Variants in ZNF804B observed in about 807,000 individuals in gnomAD.
ZNF804B encodes the protein zinc finger 804B.
In ZNF804B, 80 loss-of-function variants were observed where a neutral mutation model predicts 101.4. That is an observed-to-expected ratio of 0.79 (90% CI 0.66 to 0.95). The LOEUF (loss-of-function observed/expected upper bound fraction) is 0.95, where lower values mean the gene tolerates loss of function less well. Among genes scored for constraint, ZNF804B ranks in the 40% least tolerant of loss-of-function variants. The pLI is 0.00. For missense variants in ZNF804B, 1,673 were observed against 1,561.9 expected (o/e 1.07, Z -1.20); for synonymous variants, 622 against 558.8 (o/e 1.11, Z -1.59).
At chr7:89,149,172 A>C (rs986602649) in intron 1 of ZNF804B, among the ~76,000 whole-genome samples, 3 of 151,984 alleles carry the variant, frequency 2.0e-5, no homozygotes, top group Non-Finnish European at 4.4e-5. Context: ...GTCCATTGTA[A>C]ATTTGTAGTG....
intron 1 of ZNF804B, among the ~76,000 whole-genome samples, chr7:88,903,304 G>A (rs973779133): frequency 4.6e-5 from 7 of 152,076 alleles, no homozygotes; most frequent in African/African-American, 1.7e-4. Flanking sequence ...TGGCTGTATA[G>A]TATTCTTCCA....
At chr7:89,307,898 A>G (rs1790589186) in intron 2 of ZNF804B, among the ~76,000 whole-genome samples, 2 of 152,086 alleles carry the variant, frequency 1.3e-5, no homozygotes, top group Admixed American at 6.6e-5. Flanking sequence ...AGCCTTGCCT[A>G]ATAACCTTTT....
rs151187887 is a variant in ZNF804B at position 89,102,153 on chromosome 7, G to A, written c.109-116002G>A. The stretch of plus-strand genomic sequence containing the variant: ...TGATAAACATGTGAATGCAGGTGTC[G>A]GTTTTACATGATTTCCTTTCCTTTG... On this transcript the variant is annotated intron_variant, in intron 1 of 3. Transcript: ENST00000333190. Among the ~76,000 whole-genome samples the A allele has an allele frequency of 2.2e-3, 335 of 151,896 alleles. 4 individuals are homozygous for A. Among genetic ancestry groups the A allele is most frequent in the African/African-American group, 7.7e-3 (319 of 41,462 alleles).
chr7:88,811,274 A>C (rs1790781608), intron 1 of ZNF804B, among the ~76,000 whole-genome samples: 1 of 152,198 alleles, frequency 6.6e-6, no homozygotes, highest in South Asian at 2.1e-4. Flanking sequence ...AACATCACTG[A>C]TCTTTAGAGA....
chr7:89,087,510 A>G (rs1341842659), intron 1 of ZNF804B, among the ~76,000 whole-genome samples: 1 of 152,020 alleles, frequency 6.6e-6, no homozygotes, highest in African/African-American at 2.4e-5. Context: ...AGTAAATATT[A>G]CAGTTATTTA....
At chr7:89,199,893 T>G (rs939139701) in intron 1 of ZNF804B, among the ~76,000 whole-genome samples, 4 of 148,388 alleles carry the variant, frequency 2.7e-5, no homozygotes, top group Non-Finnish European at 5.9e-5. Flanking sequence ...ATATAATATA[T>G]GTATAATATA....
At chr7:88,956,767 A>G (rs1433009729) in intron 1 of ZNF804B, among the ~76,000 whole-genome samples, 2 of 151,432 alleles carry the variant, frequency 1.3e-5, no homozygotes, top group African/African-American at 2.4e-5. Flanking sequence ...ATGTTATCTC[A>G]TACTGTGAAA....
At chr7:88,788,177 C>G (rs1201273564) in intron 1 of ZNF804B, among the ~76,000 whole-genome samples, 1 of 152,000 alleles carries the variant, frequency 6.6e-6, no homozygotes, top group Non-Finnish European at 1.5e-5. Flanking sequence ...TGAGAAGGCC[C>G]TGCATGAGGA....
chr7:89,221,296 T>C (rs545088772), intron 2 of ZNF804B, among the ~76,000 whole-genome samples: 50 of 152,116 alleles, frequency 3.3e-4, no homozygotes, highest in Non-Finnish European at 6.3e-4. Context: ...CCACCGCCTG[T>C]GGGATTTTAT....
intron 2 of ZNF804B, among the ~76,000 whole-genome samples, chr7:89,292,191 T>C (rs1187928051): frequency 2.6e-5 from 4 of 151,950 alleles, no homozygotes; most frequent in East Asian, 1.9e-4. Flanking sequence ...TAATGAGCAA[T>C]AAGAAATCAT....
intron 1 of ZNF804B, among the ~76,000 whole-genome samples, chr7:89,048,325 A>C (rs551911047): frequency 3.9e-5 from 6 of 151,930 alleles, no homozygotes; most frequent in Non-Finnish European, 8.8e-5. Context: ...TAACGAAGGA[A>C]TGAAGTCTTT....
At chr7:89,232,001 C>G (rs1025474176) in intron 2 of ZNF804B, among the ~76,000 whole-genome samples, 1 of 151,992 alleles carries the variant, frequency 6.6e-6, no homozygotes, top group Non-Finnish European at 1.5e-5. Flanking sequence ...TGTTCTGAAT[C>G]GTAGGTAGAG....
intron 1 of ZNF804B, among the ~76,000 whole-genome samples, chr7:88,945,869 C>T (rs1023735369): frequency 2.6e-5 from 4 of 152,034 alleles, no homozygotes; most frequent in African/African-American, 9.7e-5. Context: ...TGGGAGTTCA[C>T]TCATGATTTG....
chr7:88,834,640 A>T (rs979114927), intron 1 of ZNF804B, among the ~76,000 whole-genome samples: 6 of 144,148 alleles, frequency 4.2e-5, no homozygotes, highest in African/African-American at 1.6e-4. Context: ...ATTGAACTAT[A>T]CGCTCACTTT....
chr7:88,826,567 G>C (rs1791053509), intron 1 of ZNF804B, among the ~76,000 whole-genome samples: 2 of 152,166 alleles, frequency 1.3e-5, no homozygotes, highest in African/African-American at 4.8e-5. Context: ...TTTATGCTAA[G>C]GTCTTTCTCA....
chr7:88,864,418 A>G (rs575921223), intron 1 of ZNF804B, among the ~76,000 whole-genome samples: 1 of 152,294 alleles, frequency 6.6e-6, no homozygotes, highest in African/African-American at 2.4e-5. Context: ...GTACAATCTC[A>G]GGGCCAGGCA....
intron 1 of ZNF804B, among the ~76,000 whole-genome samples, chr7:89,036,602 C>T (rs1584088045): frequency 6.6e-6 from 1 of 151,986 alleles, no homozygotes; most frequent in Admixed American, 6.6e-5. Flanking sequence ...TTTCTTTTAT[C>T]AACTCTATAC....
intron 1 of ZNF804B, among the ~76,000 whole-genome samples, chr7:88,813,308 T>A (rs901347626): frequency 6.6e-6 from 1 of 151,264 alleles, no homozygotes; most frequent in Non-Finnish European, 1.5e-5. Flanking sequence ...GCGCATGTAG[T>A]CCCAGCTACT....
chr7:89,000,022 A>G (rs1456311263), intron 1 of ZNF804B, among the ~76,000 whole-genome samples: 1 of 151,978 alleles, frequency 6.6e-6, no homozygotes, highest in African/African-American at 2.4e-5. Context: ...AATGATAAAT[A>G]TATTATTTAC....
Sources: gnomAD v4.1 joint callset for allele counts (sites outside exome capture counted in the v4.1 genomes callset) on GRCh38, gnomAD v4.1.1 for gene constraint, MANE v1.5 for transcripts, NCBI Gene and HGNC (gene_info 2026-07-23, HGNC 2026-07-21) for gene names.